The following KCNC4 variants were observed in gnomAD, a reference collection of about 807,000 sequenced individuals.
The protein encoded by KCNC4 is voltage-gated potassium channel KCNC4.
A neutral mutation model predicts 42.8 loss-of-function variants in KCNC4; 23 were observed. The observed-to-expected ratio is 0.54, with a 90% CI of 0.39 to 0.76. The LOEUF (loss-of-function observed/expected upper bound fraction) is 0.76, where lower values mean the gene tolerates loss of function less well. Among genes scored for constraint, KCNC4 ranks in the 30% least tolerant of loss-of-function variants. The pLI is 0.00. For synonymous variants in KCNC4, 422 were observed against 393.5 expected (o/e 1.07, Z -0.86); for missense variants, 751 against 898.2 (o/e 0.84, Z 2.10).
At chr1:110,276,376 C>G (rs1371123542) in intron 1 of KCNC4, among the ~76,000 whole-genome samples, 6 of 148,768 alleles carry the variant, frequency 4.0e-5, no homozygotes, top group Non-Finnish European at 8.9e-5. Flanking sequence ...ATAGAAATAG[C>G]TGGGTTTTCA....
At chr1:110,266,799 T>C (rs188254329) in intron 1 of KCNC4, among the ~76,000 whole-genome samples, 6 of 152,274 alleles carry the variant, frequency 3.9e-5, no homozygotes, top group East Asian at 3.9e-4. Flanking sequence ...GGGACCCGAA[T>C]ACCAGGAGAG....
At chr1:110,281,803 C>A (rs1659832717) in intron 1 of KCNC4, among the ~76,000 whole-genome samples, 2 of 152,210 alleles carry the variant, frequency 1.3e-5, no homozygotes. Context: ...GACTTGGCTT[C>A]AATCTCATGG....
In KCNC4 at chr1:110,226,072, C is replaced by G. The variant is rs994543122; in HGVS notation, c.1713C>G (p.Arg571=). ...CCTCCTCCCCGACCCCCGAGGAGCG[C>G]CGGGCCCTGCGACGCTCCACCACTC... The part of the protein sequence containing the change: ...PLASSPTPEE[R]RALRRSTTRD... The change falls in exon 3 of 4, where the codon CGC becomes CGG. Residue 571 remains arginine (R), a synonymous_variant. Transcript: ENST00000438661. The G allele has an allele frequency of 6.2e-7, 1 of 1,613,820 alleles. No individual in the cohort carries two copies. Among genetic ancestry groups the G allele is most frequent in the Non-Finnish European group, 8.5e-7 (1 of 1,179,862 alleles).
chr1:110,244,157 G>A (rs1255403280), exon 4 of KCNC4: 1 of 152,088 alleles, frequency 6.6e-6, no homozygotes, highest in Non-Finnish European at 1.5e-5. Context: ...TTTCTAAATG[G>A]AGGTTTAGGA....
chr1:110,214,030 T>C (rs953586803), intron 1 of KCNC4, among the ~76,000 whole-genome samples: 15 of 152,130 alleles, frequency 9.9e-5, no homozygotes, highest in Non-Finnish European at 1.3e-4. Flanking sequence ...CCACATATCA[T>C]TGAGTTTATT....
intron 3 of KCNC4, among the ~76,000 whole-genome samples, chr1:110,229,917 C>A (rs1005241431): frequency 6.6e-6 from 1 of 152,116 alleles, no homozygotes; most frequent in African/African-American, 2.4e-5. Flanking sequence ...TGCAATTTTG[C>A]GGAGAGAATG....
rs1259071176 is a variant in KCNC4 at position 110,256,867 on chromosome 1, TTTTGAGTATAAAAG to T, written n.31-25666_31-25653del. 77 of 156,518 alleles carry T rather than the reference TTTTGAGTATAAAAG, an allele frequency of 4.9e-4. No individual in the cohort carries two copies. In the Admixed American group the frequency reaches 5.0e-3, roughly 10 times the overall value. 9.7% of individuals were successfully genotyped at this position (156,518 alleles called of 1,614,324 possible). ...ACTGCAAAGCTTTGAAATACTCATT[TTTTGAGTATAAAAG>T]ATCAGTGTTGGATACCAGGTCAAGA... On this transcript the variant is annotated intron_variant and non_coding_transcript_variant, in intron 1 of 2. Coordinates refer to the KCNC4 transcript ENST00000412512.
At chr1:110,239,325 C>CG (rs1658978659) in exon 4 of KCNC4, 2 of 152,268 alleles carry the variant, frequency 1.3e-5, no homozygotes, top group Non-Finnish European at 2.9e-5. Flanking sequence ...TTTTCCCTCA[C>CG]GGGGACCACT....
At chr1:110,267,977 C>T (rs903519904) in intron 1 of KCNC4, among the ~76,000 whole-genome samples, 5 of 152,178 alleles carry the variant, frequency 3.3e-5, no homozygotes, top group Non-Finnish European at 5.9e-5. Flanking sequence ...AAGCAATAAC[C>T]TGCCATGACT....
In KCNC4 at chr1:110,211,558, C is replaced by T. The variant is rs758446326; in HGVS notation, c.59C>T (p.Pro20Leu). The T allele has an allele frequency of 2.5e-6, 4 of 1,613,982 alleles. No homozygotes were observed. The highest frequency in any genetic ancestry group is 1.3e-5 in the African/African-American group (1 of 74,934). ...GGGCGCAAGTCGGGGAACAAGCCTC[C>T]GTCCAAAACATGTCTGAAGGAGGAG... Reference protein sequence around the residue: ...YRGRKSGNKPPSKTCLKEEMA... With the variant: ...YRGRKSGNKPLSKTCLKEEMA... The change falls in exon 1 of 4, where the codon CCG becomes CTG. Residue 20 changes from proline to leucine, a missense_variant. Physicochemically the swap from Pro to Leu is moderately conservative, Grantham distance 98. This residue lies in a region of KCNC4 where 183 missense variants were observed against 255.8 expected (regional missense o/e 0.72). Coordinates refer to ENST00000438661, the MANE Select transcript of KCNC4 (RefSeq NM_001039574.3). This position sits in a 1 kb window ranked among gnomAD's most constrained non-coding sequence, Gnocchi z 6.5.
At chr1:110,270,693 A>G (rs1659619694) in intron 1 of KCNC4, among the ~76,000 whole-genome samples, 2 of 152,238 alleles carry the variant, frequency 1.3e-5, no homozygotes, top group Non-Finnish European at 2.9e-5. Flanking sequence ...TGTGCAAGGG[A>G]AACAAGGCTA....
chr1:110,256,449 T>C lies in KCNC4; in HGVS notation n.31-26085T>C, dbSNP rs192914302. Among the ~76,000 whole-genome samples the C allele has an allele frequency of 9.8e-5, 15 of 152,316 alleles. No individual in the cohort carries two copies. The East Asian group carries it at 1.7e-3, about 18-fold the overall frequency. On this transcript the variant is annotated intron_variant and non_coding_transcript_variant, in intron 1 of 2. Transcript: ENST00000412512. ...ACATAACTTGGTCACTCAGAACTTG[T>C]AGTGGAGCAAGGCCAAGATTCTTTT...
At chr1:110,232,071 C>G in intron 3 of KCNC4, 1 of 682,676 alleles carries the variant, frequency 1.5e-6, no homozygotes, top group Non-Finnish European at 2.5e-6. Flanking sequence ...GTACTCCTAC[C>G]TGCCCTACCT....
At chr1:110,230,554 C>T (rs564566082) in intron 3 of KCNC4, among the ~76,000 whole-genome samples, 2 of 152,224 alleles carry the variant, frequency 1.3e-5, no homozygotes, top group Non-Finnish European at 2.9e-5. Flanking sequence ...CAAGTTTCCA[C>T]GGCACCCACC....
At chr1:110,278,683 T>G (rs1484360051) in intron 1 of KCNC4, among the ~76,000 whole-genome samples, 1 of 152,172 alleles carries the variant, frequency 6.6e-6, no homozygotes, top group Non-Finnish European at 1.5e-5. Flanking sequence ...GGTGCCCTGC[T>G]TCTGTGCCTA....
chr1:110,275,514 T>C (rs186028044), intron 1 of KCNC4, among the ~76,000 whole-genome samples: 1 of 152,312 alleles, frequency 6.6e-6, no homozygotes, highest in Non-Finnish European at 1.5e-5. Flanking sequence ...ACTGGTTATC[T>C]ACCCAAAGGA....
At chr1:110,258,765 T>C (rs1659377711) in intron 1 of KCNC4, among the ~76,000 whole-genome samples, 1 of 152,158 alleles carries the variant, frequency 6.6e-6, no homozygotes, top group Non-Finnish European at 1.5e-5. Context: ...TTGAATGAAA[T>C]CTACCATATC....
At chr1:110,244,536 G>A (rs1261328489) in exon 4 of KCNC4, 3 of 152,288 alleles carry the variant, frequency 2.0e-5, no homozygotes, top group Non-Finnish European at 4.4e-5. Flanking sequence ...GCCATGGGCT[G>A]GTTCCTTCCC....
At chr1:110,228,069 A>G (rs1166424470) in intron 3 of KCNC4, among the ~76,000 whole-genome samples, 1 of 152,144 alleles carries the variant, frequency 6.6e-6, no homozygotes, top group Non-Finnish European at 1.5e-5. Flanking sequence ...CGTGGCAGTT[A>G]ACATTGCCAA....
Sources: allele counts gnomAD v4.1 joint callset (sites outside exome capture counted in the v4.1 genomes callset), GRCh38; gene constraint gnomAD v4.1.1; regional missense constraint gnomAD v4.1.1; non-coding constraint Gnocchi (gnomAD v3.1); transcripts MANE v1.5; gene names NCBI Gene and HGNC (gene_info 2026-07-23, HGNC 2026-07-21).